PKNOX2: variants seen among roughly 807,000 people sequenced by gnomAD.
The protein encoded by PKNOX2 is homeobox protein PKNOX2.
In PKNOX2, 14 loss-of-function variants were observed where a neutral mutation model predicts 53.1. The ratio of observed to expected loss-of-function variants is 0.26; its 90% CI spans 0.17 to 0.41. The LOEUF is 0.41. PKNOX2 is among the 10% of genes least tolerant of loss of function. PKNOX2 has a pLI of 1.00. For missense variants in PKNOX2, 496 were observed against 602.8 expected, an observed-to-expected ratio of 0.82 and a Z score of 1.85; for synonymous variants, 257 against 242.8, an observed-to-expected ratio of 1.06 and a Z score of -0.54.
At chr11:125,275,777 G>A (rs931481514) in intron 2 of PKNOX2, among the ~76,000 whole-genome samples, 6 of 152,184 alleles carry the variant, frequency 3.9e-5, no homozygotes, top group Non-Finnish European at 7.3e-5. Flanking sequence ...TTTTGAATAC[G>A]CCAAGCTCAG....
intron 2 of PKNOX2, among the ~76,000 whole-genome samples, chr11:125,284,432 T>C (rs549868333): frequency 2.7e-4 from 41 of 152,260 alleles, no homozygotes; most frequent in Non-Finnish European, 5.1e-4. Flanking sequence ...TTGTGGTGCG[T>C]GTTAGCGCCA....
At chr11:125,295,515 G>T (rs1314012643) in intron 2 of PKNOX2, among the ~76,000 whole-genome samples, 2 of 152,246 alleles carry the variant, frequency 1.3e-5, no homozygotes, top group Non-Finnish European at 2.9e-5. Context: ...CAGAGTGAGG[G>T]CTCAGGAGCG....
chr11:125,261,139 T>C (rs1160033721), intron 2 of PKNOX2, among the ~76,000 whole-genome samples: 3 of 152,218 alleles, frequency 2.0e-5, no homozygotes, highest in Non-Finnish European at 4.4e-5. Flanking sequence ...CCAAAGCGAT[T>C]TGGATCGTGG....
chr11:125,270,828 C>G (rs969870703), intron 2 of PKNOX2, among the ~76,000 whole-genome samples: 1 of 152,178 alleles, frequency 6.6e-6, no homozygotes, highest in Non-Finnish European at 1.5e-5. Flanking sequence ...GAAATCATCA[C>G]GAGCACCCTG....
At chr11:125,200,193 A>AT (rs1357113671) in intron 1 of PKNOX2, among the ~76,000 whole-genome samples, 1 of 152,188 alleles carries the variant, frequency 6.6e-6, no homozygotes, top group African/African-American at 2.4e-5. Flanking sequence ...CTGCCAAAGC[A>AT]TTTTGTTCTC....
At position 125,370,103 on chromosome 11, in the gene PKNOX2, A is replaced by T. The variant is rs913537287; in HGVS notation, c.227+2118A>T. Reference sequence around the variant, plus strand: ...GATCATGGTCTAGAAAGCCCTCCAGATGAGTGGTGTAACGAATAGTTTTTG... The same window carrying T: ...GATCATGGTCTAGAAAGCCCTCCAGTTGAGTGGTGTAACGAATAGTTTTTG... On this transcript the variant is annotated intron_variant, in intron 5 of 12. Transcript: ENST00000298282. The surrounding 1 kb of genome is among the most constrained non-coding windows in gnomAD (Gnocchi z 4.1). Among the ~76,000 whole-genome samples, 2 of 152,122 alleles carry T rather than the reference A, an allele frequency of 1.3e-5. No individual in the cohort carries two copies. Among genetic ancestry groups the T allele is most frequent in the East Asian group, 3.9e-4 (2 of 5,178 alleles).
intron 4 of PKNOX2, among the ~76,000 whole-genome samples, chr11:125,367,584 C>T (rs1377776041): frequency 6.6e-6 from 1 of 152,206 alleles, no homozygotes; most frequent in Non-Finnish European, 1.5e-5. Context: ...CACTAAGAGT[C>T]ATCTCTTTTC....
At chr11:125,201,874 G>A (rs1938480307) in intron 1 of PKNOX2, among the ~76,000 whole-genome samples, 1 of 152,226 alleles carries the variant, frequency 6.6e-6, no homozygotes, top group South Asian at 2.1e-4. Flanking sequence ...CATCAGCCTA[G>A]GTTGGGGAAG....
intron 6 of PKNOX2, among the ~76,000 whole-genome samples, chr11:125,393,685 TGGACCCCGGGG>T (rs1278175515): frequency 6.6e-6 from 1 of 152,070 alleles, no homozygotes; most frequent in Non-Finnish European, 1.5e-5. Context: ...GTGAGGTGTT[TGGACCCCGGGG>T]GGCTGTGCCA....
At chr11:125,241,363 C>T (rs1408548295) in intron 2 of PKNOX2, among the ~76,000 whole-genome samples, 1 of 152,180 alleles carries the variant, frequency 6.6e-6, no homozygotes, top group Non-Finnish European at 1.5e-5. Flanking sequence ...TCATTTATCT[C>T]CTCTGTGACT....
intron 3 of PKNOX2, among the ~76,000 whole-genome samples, chr11:125,333,418 G>C (rs940907518): frequency 1.3e-5 from 2 of 152,172 alleles, no homozygotes; most frequent in Non-Finnish European, 2.9e-5. Flanking sequence ...GGGTAACAGG[G>C]TTGATGGACT....
intron 1 of PKNOX2, among the ~76,000 whole-genome samples, chr11:125,233,265 G>A (rs1170562218): frequency 6.6e-6 from 1 of 152,204 alleles, no homozygotes; most frequent in Non-Finnish European, 1.5e-5. Context: ...CTTCTTTCAA[G>A]TCACAGGTGT....
chr11:125,314,724 AGCCCT>A (rs1413682981), intron 2 of PKNOX2, among the ~76,000 whole-genome samples: 3 of 152,122 alleles, frequency 2.0e-5, no homozygotes, highest in African/African-American at 2.4e-5. Flanking sequence ...CTGCTTCCCC[AGCCCT>A]GCCCTGCCCT....
At chr11:125,252,141 G>A (rs562251642) in intron 2 of PKNOX2, among the ~76,000 whole-genome samples, 1 of 152,308 alleles carries the variant, frequency 6.6e-6, no homozygotes, top group South Asian at 2.1e-4. Context: ...GTGGGATCAG[G>A]GCTGATACCT....
chr11:125,312,046 C>T (rs1237460773), intron 2 of PKNOX2, among the ~76,000 whole-genome samples: 1 of 152,100 alleles, frequency 6.6e-6, no homozygotes, highest in Admixed American at 6.5e-5. Context: ...TCAGATCCAG[C>T]ACTTTAGATT....
At chr11:125,243,046 G>A (rs573175824) in intron 2 of PKNOX2, among the ~76,000 whole-genome samples, 11 of 152,282 alleles carry the variant, frequency 7.2e-5, no homozygotes, top group African/African-American at 2.6e-4. Flanking sequence ...TTTTCTTGAA[G>A]GGTTGTTGGT....
At chr11:125,252,272 C>A (rs1325204476) in intron 2 of PKNOX2, among the ~76,000 whole-genome samples, 10 of 152,094 alleles carry the variant, frequency 6.6e-5, no homozygotes, top group Non-Finnish European at 1.3e-4. Context: ...ATTTCAGGAG[C>A]ATCGTGTGGG....
In PKNOX2 at chr11:125,296,956, C is replaced by T. The variant is rs541938089; in HGVS notation, c.-129-34863C>T. Reference sequence around the variant, plus strand: ...GCGGTTTATTATCTATCTCACCCAACGAGAAGTTGTCCTATGAAGACAGGG... The same window carrying T: ...GCGGTTTATTATCTATCTCACCCAATGAGAAGTTGTCCTATGAAGACAGGG... On this transcript the variant is annotated intron_variant, in intron 2 of 12. Transcript: ENST00000298282. 4.4e-4 allele frequency among the ~76,000 whole-genome samples: 67 copies of T among 152,272 alleles called. 1 individual carries two copies. The highest frequency in any genetic ancestry group is 1.9e-3 in the Admixed American group (29 of 15,298).
At chr11:125,367,746 C>T (rs1952266562) in intron 4 of PKNOX2, 100 bp from the exon 5 acceptor site, 6 of 1,331,962 alleles carry the variant, frequency 4.5e-6, no homozygotes, top group Middle Eastern at 5.4e-4. Flanking sequence ...TCTTGCTCTC[C>T]TCCGGGCACA....
Sources: allele counts gnomAD v4.1 joint callset (sites outside exome capture counted in the v4.1 genomes callset), GRCh38; gene constraint gnomAD v4.1.1; non-coding constraint Gnocchi (gnomAD v3.1); transcripts MANE v1.5; gene names NCBI Gene and HGNC (gene_info 2026-07-23, HGNC 2026-07-21).